The following MXD1 variants were observed in gnomAD, a reference collection of about 807,000 sequenced individuals.
MXD1 encodes MAX dimerization protein 1.
MXD1 carries 9 observed loss-of-function variants against 25.7 expected under a neutral mutation model. That is an observed-to-expected ratio of 0.35 (90% confidence interval 0.21 to 0.61). The LOEUF (loss-of-function observed/expected upper bound fraction) is 0.61, where lower values mean the gene tolerates loss of function less well. MXD1 is among the 20% of genes least tolerant of loss of function. The probability of loss-of-function intolerance (pLI) is 0.75; values close to 1 mark genes in which losing one functional copy is unlikely to be tolerated. For synonymous variants in MXD1, 99 were observed against 113.9 expected (o/e 0.87, Z 0.83); for missense variants, 227 against 292.4 (o/e 0.78, Z 1.63).
At chr2:69,933,091 CAGG>C (rs1299275166) in intron 3 of MXD1, among the ~76,000 whole-genome samples, 2 of 148,740 alleles carry the variant, frequency 1.3e-5, no homozygotes, top group Admixed American at 1.4e-4. Flanking sequence ...CCCAGATACT[CAGG>C]AGGCTGAAGA....
intron 3 of MXD1, among the ~76,000 whole-genome samples, chr2:69,927,031 G>A (rs1657787508): frequency 6.6e-6 from 1 of 152,206 alleles, no homozygotes; most frequent in African/African-American, 2.4e-5. Context: ...GAAGATTTCT[G>A]TGTGTGCTCC....
At chr2:69,919,134 A>T (rs1677013158) in intron 2 of MXD1, among the ~76,000 whole-genome samples, 1 of 152,194 alleles carries the variant, frequency 6.6e-6, no homozygotes, top group Admixed American at 6.5e-5. Flanking sequence ...GGGATTCAGA[A>T]TTTTGCATAA....
intron 3 of MXD1, among the ~76,000 whole-genome samples, chr2:69,927,437 T>A (rs1455629611): frequency 2.0e-5 from 3 of 152,214 alleles, no homozygotes; most frequent in Non-Finnish European, 4.4e-5. Context: ...ATTGATGGTC[T>A]GGAGAAGAAC....
intron 3 of MXD1, among the ~76,000 whole-genome samples, chr2:69,925,999 T>C (rs540236281): frequency 1.8e-4 from 27 of 152,330 alleles, no homozygotes; most frequent in Admixed American, 1.3e-3. Context: ...ACTAGCATAG[T>C]TGAACAATTT....
intron 3 of MXD1, among the ~76,000 whole-genome samples, chr2:69,929,403 A>G (rs1452177660): frequency 6.6e-6 from 1 of 152,212 alleles, no homozygotes; most frequent in Non-Finnish European, 1.5e-5. Flanking sequence ...TGTTGAATCT[A>G]TTCCCCAATT....
In MXD1 at chr2:69,941,144, TAAA is replaced by T. The variant is rs1168160431; in HGVS notation, c.*2864_*2866del. ...CATATTTTTATGTGAAAGTTGATTT[TAAA>T]AAACTAAAAAAATCTAAACTGCACT... On this transcript the variant is annotated 3_prime_UTR_variant, in exon 6 of 6. Transcript: ENST00000264444. 6.6e-6 allele frequency: 1 copy of T among 152,110 alleles called. No individual in the cohort carries two copies. Among genetic ancestry groups the T allele is most frequent in the African/African-American group, 2.4e-5 (1 of 41,358 alleles). 9.4% of individuals were successfully genotyped at this position (152,110 alleles called of 1,614,324 possible).
chr2:69,936,306 G>T (rs554743645), intron 4 of MXD1, among the ~76,000 whole-genome samples: 1 of 152,042 alleles, frequency 6.6e-6, no homozygotes, highest in Non-Finnish European at 1.5e-5. Flanking sequence ...CCATTGTGTT[G>T]TCTCAATCCT....
Position 69,938,896 on chromosome 2 carries a change from G to A in MXD1, c.*612G>A, listed in dbSNP as rs1677526631. 6.5e-6 allele frequency: 1 copy of A among 152,750 alleles called. No individual in the cohort carries two copies. The highest frequency in any genetic ancestry group is 1.5e-5 in the Non-Finnish European group (1 of 68,184). 9.5% of individuals were successfully genotyped at this position (152,750 alleles called of 1,614,324 possible). On this transcript the variant is annotated 3_prime_UTR_variant, in exon 6 of 6. Transcript: ENST00000264444. Reference sequence around the variant, plus strand: ...GGAGCAGTATTTCTCACTTTAAAATGGACACCTTGATAGTGTGTCTCTGGG... The same window carrying A: ...GGAGCAGTATTTCTCACTTTAAAATAGACACCTTGATAGTGTGTCTCTGGG...
At chr2:69,937,212 A>G (rs1282792733) in intron 4 of MXD1, 23 bp from the exon 5 acceptor site, 18 of 1,611,082 alleles carry the variant, frequency 1.1e-5, no homozygotes, top group Non-Finnish European at 1.5e-5. Context: ...GTGGGGCCCA[A>G]CAACTACCCC....
At chr2:69,927,325 G>C (rs561415942) in intron 3 of MXD1, among the ~76,000 whole-genome samples, 47 of 152,276 alleles carry the variant, frequency 3.1e-4, no homozygotes, top group African/African-American at 1.1e-3. Flanking sequence ...ACCACATTCA[G>C]ATTTCACTCT....
rs778830712 is a variant in MXD1 at position 69,942,835 on chromosome 2, GCA to G, written c.*4554_*4555del. The G allele has an allele frequency of 9.9e-5, 15 of 151,940 alleles. No individual in the cohort carries two copies. Among genetic ancestry groups the G allele is most frequent in the Non-Finnish European group, 1.8e-4 (12 of 68,030 alleles). The allele number at this position is 151,940 out of a possible 1,614,324, so 9.4% of individuals were successfully genotyped here. ...AGAATGGTGCTTTTTACTACAGTTA[GCA>G]CATGCATTTTTAGAAACTACTACAT... On this transcript the variant is annotated 3_prime_UTR_variant, in exon 6 of 6. Coordinates refer to ENST00000264444, the MANE Select transcript of MXD1 (RefSeq NM_002357.4).
In MXD1 at chr2:69,916,165, G is replaced by C; in HGVS notation, c.118G>C (p.Asp40His). Residue 40 changes from aspartate (D) to histidine (H), a missense_variant, in exon 2 of 6, where the codon GAC (aspartate) becomes CAC (histidine). By Grantham distance (81) the Asp-to-His change is moderately conservative. Transcript: ENST00000264444. ...CTCCATGTTACCATACAATAACAAG[G>C]ACAGAGATGCCTTAAAACGGAGGAA... ...YASMLPYNNK[D>H]RDALKRRNKS... 2 of 1,613,464 alleles carry C rather than the reference G, an allele frequency of 1.2e-6. No homozygotes were observed. Among genetic ancestry groups the C allele is most frequent in the African/African-American group, 1.3e-5 (1 of 75,032 alleles).
At chr2:69,918,757 G>T (rs1677005946) in intron 2 of MXD1, among the ~76,000 whole-genome samples, 1 of 152,092 alleles carries the variant, frequency 6.6e-6, no homozygotes, top group Non-Finnish European at 1.5e-5. Flanking sequence ...GGTGAAATTT[G>T]ACCTTTATCA....
chr2:69,937,153 C>T (rs1677467973), intron 4 of MXD1, 82 bp from the exon 5 acceptor site: 2 of 1,565,720 alleles, frequency 1.3e-6, no homozygotes, highest in East Asian at 4.5e-5. Flanking sequence ...GCGCATTCCA[C>T]TGCTAGAAGG....
intron 2 of MXD1, among the ~76,000 whole-genome samples, chr2:69,920,009 GTTTTGTTTTGTTTTGTT>G (rs1677035236): frequency 1.5e-5 from 1 of 67,064 alleles, no homozygotes; most frequent in South Asian, 4.3e-4. Context: ...GTTTTGTTTT[GTTTTGTTTTGTTTTGTT>G]TTTGAGATGG....
chr2:69,936,999 C>T, intron 4 of MXD1: 1 of 635,916 alleles, frequency 1.6e-6, no homozygotes, highest in Non-Finnish European at 3.0e-6. Flanking sequence ...GAGAGCTCAC[C>T]CCCAGAATCC....
rs980537874 is a variant in MXD1 at position 69,921,291 on chromosome 2, T to C, written c.174-445T>C. Among the ~76,000 whole-genome samples, 5 of 152,180 alleles carry C rather than the reference T, an allele frequency of 3.3e-5. 1 individual carries two copies. The East Asian group carries it at 9.6e-4, about 29-fold the overall frequency. On this transcript the variant is annotated intron_variant, in intron 2 of 5. Coordinates refer to ENST00000264444, the MANE Select transcript of MXD1 (RefSeq NM_002357.4). ...GGTTATTTTACTATTTAAAACAATA[T>C]AGTCAAGCAACTTTACACAAAATTT...
Position 69,941,494 on chromosome 2 carries a change from G to A in MXD1, c.*3210G>A, listed in dbSNP as rs958522227. On this transcript the variant is annotated 3_prime_UTR_variant, in exon 6 of 6. Coordinates refer to ENST00000264444, the MANE Select transcript of MXD1 (RefSeq NM_002357.4). ...ACCTAGATTTTCCCTGTCAACCTAAGATGAAAATAATTTCAGTGTTGATTC... is the reference window on the plus strand; with the variant it reads ...ACCTAGATTTTCCCTGTCAACCTAAAATGAAAATAATTTCAGTGTTGATTC... 1.3e-5 allele frequency: 2 copies of A among 152,228 alleles called. No homozygotes were observed. The highest frequency in any genetic ancestry group is 2.4e-5 in the African/African-American group (1 of 41,452). 9.4% of individuals were successfully genotyped at this position (152,228 alleles called of 1,614,324 possible).
At chr2:69,933,200 C>CAAAAAAAAAAAAAAAAAAAAAAAAAAAAA (rs59201689) in intron 3 of MXD1, among the ~76,000 whole-genome samples, 1 of 80,144 alleles carries the variant, frequency 1.2e-5, no homozygotes, top group Non-Finnish European at 2.5e-5. Context: ...AACTCTGTCT[C>CAAAAAAAAAAAAAAAAAAAAAAAAAAAAA]AAAAAAAAAA....
Sources: allele counts gnomAD v4.1 joint callset (sites outside exome capture counted in the v4.1 genomes callset), GRCh38; gene constraint gnomAD v4.1.1; transcripts MANE v1.5; gene names NCBI Gene and HGNC (gene_info 2026-07-23, HGNC 2026-07-21).